The following FTO variants were observed in gnomAD, a reference collection of about 807,000 sequenced individuals.
FTO encodes alpha-ketoglutarate-dependent dioxygenase FTO.
In FTO, 47 loss-of-function variants were observed where a neutral mutation model predicts 63.9. That is an observed-to-expected ratio of 0.74 (90% confidence interval 0.58 to 0.94). The LOEUF (loss-of-function observed/expected upper bound fraction) is 0.94. Among genes scored for constraint, FTO ranks in the 40% least tolerant of loss-of-function variants. FTO has a pLI of 0.00. For synonymous variants in FTO, 207 were observed against 224.4 expected, an observed-to-expected ratio of 0.92 and a Z score of 0.69; for missense variants, 562 against 618.1, an observed-to-expected ratio of 0.91 and a Z score of 0.96.
intron 1 of FTO, among the ~76,000 whole-genome samples, chr16:53,772,721 A>G (rs535734509): frequency 6.6e-6 from 1 of 152,216 alleles, no homozygotes; most frequent in Non-Finnish European, 1.5e-5. Flanking sequence ...TGTCTATTAG[A>G]TGCTACATTA....
intron 8 of FTO, among the ~76,000 whole-genome samples, chr16:54,104,754 A>G (rs2086711149): frequency 6.6e-6 from 1 of 152,190 alleles, no homozygotes; most frequent in Admixed American, 6.5e-5. Flanking sequence ...CTTCCAGAAA[A>G]AACACTGACT....
chr16:54,059,737 A>G (rs1480322095), intron 8 of FTO, among the ~76,000 whole-genome samples: 1 of 152,116 alleles, frequency 6.6e-6, no homozygotes, highest in Non-Finnish European at 1.5e-5. Flanking sequence ...CTGTGTGTCA[A>G]GTTGTTCTTT....
At chr16:54,007,659 C>T (rs775139937) in intron 8 of FTO, among the ~76,000 whole-genome samples, 1 of 152,154 alleles carries the variant, frequency 6.6e-6, no homozygotes, top group African/African-American at 2.4e-5. Context: ...GCCCCAGTGG[C>T]GTGGAGATAA....
intron 8 of FTO, among the ~76,000 whole-genome samples, chr16:54,100,761 T>G (rs1369568644): frequency 2.0e-5 from 3 of 152,142 alleles, no homozygotes; most frequent in Admixed American, 6.6e-5. Context: ...TTATAATCTC[T>G]CCCATGTCAA....
At chr16:54,097,396 A>C (rs2086540044) in intron 8 of FTO, among the ~76,000 whole-genome samples, 1 of 151,510 alleles carries the variant, frequency 6.6e-6, no homozygotes, top group Admixed American at 6.6e-5. Context: ...GCTGGAGTGC[A>C]GTGGTGTGAT....
chr16:53,860,351 G>A (rs1286334359), intron 4 of FTO, among the ~76,000 whole-genome samples: 1 of 152,206 alleles, frequency 6.6e-6, no homozygotes, highest in Admixed American at 6.5e-5. Flanking sequence ...AAGGTACCAA[G>A]TTTTGTTTAT....
chr16:53,797,421 G>C (rs953537699), intron 1 of FTO, among the ~76,000 whole-genome samples: 6 of 152,182 alleles, frequency 3.9e-5, no homozygotes, highest in African/African-American at 1.2e-4. Context: ...GGAGGTTTAG[G>C]GGGAGGCCTG....
intron 8 of FTO, among the ~76,000 whole-genome samples, chr16:54,019,560 T>A (rs1409191056): frequency 6.6e-6 from 1 of 152,236 alleles, no homozygotes; most frequent in Non-Finnish European, 1.5e-5. Context: ...CCTCCACAAT[T>A]CCTTTACATT....
intron 6 of FTO, among the ~76,000 whole-genome samples, chr16:53,885,419 C>A (rs1342470299): frequency 6.6e-6 from 1 of 151,570 alleles, no homozygotes; most frequent in Non-Finnish European, 1.5e-5. Context: ...GACTTGATGT[C>A]CAGAGATTGT....
intron 3 of FTO, among the ~76,000 whole-genome samples, chr16:53,832,042 T>C (rs906663055): frequency 4.6e-5 from 7 of 152,078 alleles, no homozygotes; most frequent in Admixed American, 6.6e-5. Context: ...TAATCCAGAC[T>C]AGGGATATGA....
intron 1 of FTO, among the ~76,000 whole-genome samples, chr16:53,778,858 A>ATT (rs71863246): frequency 1.9e-4 from 27 of 144,156 alleles, no homozygotes; most frequent in South Asian, 1.1e-3. Context: ...GTGATTGTGG[A>ATT]TTTTTTTTTT....
intron 6 of FTO, among the ~76,000 whole-genome samples, chr16:53,888,468 T>A (rs2081065866): frequency 2.0e-5 from 3 of 152,152 alleles, no homozygotes; most frequent in Admixed American, 2.0e-4. Flanking sequence ...ATTGTTTTAT[T>A]AGTAGCTTGG....
At chr16:53,878,632 A>G (rs184625657) in intron 5 of FTO, among the ~76,000 whole-genome samples, 3 of 152,340 alleles carry the variant, frequency 2.0e-5, no homozygotes, top group East Asian at 3.9e-4. Flanking sequence ...TTTTAGGGAT[A>G]CATTTTCCTC....
At chr16:54,041,801 G>A (rs890257665) in intron 8 of FTO, among the ~76,000 whole-genome samples, 4 of 152,180 alleles carry the variant, frequency 2.6e-5, no homozygotes, top group Non-Finnish European at 5.9e-5. Flanking sequence ...TGTTGTGCAC[G>A]CTGGCTCTTC....
chr16:53,873,170 A>G (rs1452037712), intron 4 of FTO, among the ~76,000 whole-genome samples: 2 of 151,040 alleles, frequency 1.3e-5, no homozygotes, highest in Non-Finnish European at 3.0e-5. Context: ...TTCAGATGAA[A>G]GGTGTGCAAC....
intron 8 of FTO, among the ~76,000 whole-genome samples, chr16:54,048,256 G>GAAAAAAAA (rs111381976): frequency 1.5e-5 from 2 of 134,024 alleles, no homozygotes; most frequent in South Asian, 2.5e-4. Context: ...AAAAATACTT[G>GAAAAAAAA]AAAAAAAAAA....
chr16:54,076,018 G>A (rs572929963), intron 8 of FTO, among the ~76,000 whole-genome samples: 6 of 152,272 alleles, frequency 3.9e-5, no homozygotes, highest in African/African-American at 1.2e-4. Context: ...GGCTAGCCGA[G>A]TGCAGGCTTG....
Position 53,780,725 on chromosome 16 carries a change from CT to C in FTO, c.46-29414del, listed in dbSNP as rs765081480. ...GCTTGATGCAGTGCAGAGTGAGTTTCTGCTATTAGACTGTCTGGATTTCAAT... is the reference window on the plus strand; with the variant it reads ...GCTTGATGCAGTGCAGAGTGAGTTTCGCTATTAGACTGTCTGGATTTCAAT... On this transcript the variant is annotated intron_variant, in intron 1 of 8. Transcript: ENST00000471389. 1.2e-4 allele frequency among the ~76,000 whole-genome samples: 19 copies of C among 152,260 alleles called. No individual in the cohort carries two copies. The East Asian group carries it at 2.7e-3, about 22-fold the overall frequency.
intron 7 of FTO, among the ~76,000 whole-genome samples, chr16:53,914,520 A>G (rs950395563): frequency 1.3e-5 from 2 of 152,148 alleles, no homozygotes; most frequent in African/African-American, 4.8e-5. Flanking sequence ...TCAAGTCCCT[A>G]TAAGATCTGG....
Sources: gnomAD v4.1 joint callset for allele counts (sites outside exome capture counted in the v4.1 genomes callset) on GRCh38, gnomAD v4.1.1 for gene constraint, MANE v1.5 for transcripts, NCBI Gene and HGNC (gene_info 2026-07-23, HGNC 2026-07-21) for gene names.